EPS8L2: variants seen among roughly 807,000 people sequenced by gnomAD.
EPS8L2 encodes the protein EPS8 signaling adaptor L2.
In EPS8L2, 81 loss-of-function variants were observed where a neutral mutation model predicts 99.4. The observed-to-expected ratio is 0.82, with a 90% CI of 0.68 to 0.98. The LOEUF is 0.98. Among genes scored for constraint, EPS8L2 ranks in the 50% least tolerant of loss-of-function variants. EPS8L2 has a pLI of 0.00. For missense variants in EPS8L2, 1,155 were observed against 968.8 expected, an observed-to-expected ratio of 1.19 and a Z score of -2.55; for synonymous variants, 509 against 407.3, an observed-to-expected ratio of 1.25 and a Z score of -3.01.
chr11:717,389 G>A (rs569879752), intron 4 of EPS8L2, among the ~76,000 whole-genome samples: 68 of 152,298 alleles, frequency 4.5e-4, no homozygotes, highest in Non-Finnish European at 6.2e-4. Context: ...GCCTGGTACC[G>A]ATGCCACATT....
At chr11:720,568 C>T (rs777769940) in intron 5 of EPS8L2, 29 bp from the exon 6 acceptor site, 17 of 1,584,746 alleles carry the variant, frequency 1.1e-5, no homozygotes, top group Non-Finnish European at 1.5e-5. Flanking sequence ...ACCCCGGGTG[C>T]GAGTCGTGTC....
chr11:722,414 G>A lies in EPS8L2; in HGVS notation c.1073G>A (p.Cys358Tyr), dbSNP rs564943748. ...FGPLDLIVNT[C>Y]SGPDIARSVS... is the part of the protein sequence containing the mutation. ...ACTGTGCCCCAGATCGTCAACACCT[G>A]CAGTGGCCCAGACATCGCACGCTCC... Residue 358 changes from cysteine (C) to tyrosine (Y), a missense_variant, in exon 13 of 21, where the codon TGC becomes TAC. Transcript: ENST00000318562. The A allele has an allele frequency of 8.1e-6, 13 of 1,613,044 alleles. No homozygotes were observed. The highest frequency in any genetic ancestry group is 1.7e-4 in the Middle Eastern group (1 of 6,038).
intron 4 of EPS8L2, among the ~76,000 whole-genome samples, chr11:719,434 G>GC: frequency 1.3e-5 from 2 of 152,362 alleles, no homozygotes; most frequent in East Asian, 3.9e-4. Context: ...CCTGAGCCAG[G>GC]CCTGGAAAGA....
In EPS8L2 at chr11:724,638, TG is replaced by T; in HGVS notation, c.1455-83del. On this transcript the variant is annotated intron_variant, in intron 15 of 20. Transcript: ENST00000318562. This position sits in a 1 kb window ranked among gnomAD's most constrained non-coding sequence, Gnocchi z 5.5. Reference sequence around the variant, plus strand: ...GAAAAGAGGCAGCCAGTCGTGCACCTGGGAAGCTGCTGCCCCCCAGCCACTG... The same window carrying T: ...GAAAAGAGGCAGCCAGTCGTGCACCTGGAAGCTGCTGCCCCCCAGCCACTG... The T allele has an allele frequency of 1.1e-6, 1 of 904,766 alleles. No homozygotes were observed. The highest frequency in any genetic ancestry group is 1.8e-6 in the Non-Finnish European group (1 of 544,218). The allele number at this position is 904,766 out of a possible 1,614,324, so 56.0% of individuals were successfully genotyped here. A position where few individuals can be genotyped will look rare whatever the true frequency, so the allele number is the denominator to read the frequency against.
In EPS8L2 at chr11:726,970, G is replaced by C; in HGVS notation, c.2137G>C (p.Glu713Gln). The C allele has an allele frequency of 1.2e-6, 2 of 1,612,940 alleles. No homozygotes were observed. The highest frequency in any genetic ancestry group is 1.1e-5 in the South Asian group (1 of 90,972). Reference protein sequence around the residue: ...KFHSMNQRRGEDS With the variant: ...KFHSMNQRRGQDS ...TCATTCCATGAATCAGAGGAGGGGGGAGGACAGCTAGGCCCAGCTGCCTTG... is the reference window on the plus strand; with the variant it reads ...TCATTCCATGAATCAGAGGAGGGGGCAGGACAGCTAGGCCCAGCTGCCTTG... Residue 713 changes from glutamate to glutamine, a missense_variant, in exon 21 of 21, where the codon GAG (glutamate) becomes CAG (glutamine). Glu to Gln is a conservative substitution (Grantham distance 29, BLOSUM62 2). Transcript: ENST00000318562.
chr11:711,320 C>G (rs1411188274), intron 4 of EPS8L2, among the ~76,000 whole-genome samples: 2 of 151,894 alleles, frequency 1.3e-5, no homozygotes, highest in African/African-American at 4.8e-5. Context: ...TTCTCTCTCT[C>G]TCTGTCTCTC....
intron 4 of EPS8L2, among the ~76,000 whole-genome samples, chr11:717,822 A>C (rs1271188159): frequency 6.6e-6 from 1 of 150,628 alleles, no homozygotes; most frequent in Non-Finnish European, 1.5e-5. Flanking sequence ...ATCCTGGCTA[A>C]TATGGTGAAA....
intron 4 of EPS8L2, among the ~76,000 whole-genome samples, chr11:713,207 ATGGTT>A (rs1861934345): frequency 6.6e-6 from 1 of 152,218 alleles, no homozygotes; most frequent in South Asian, 2.1e-4. Context: ...GCCCGGGTCC[ATGGTT>A]TGCTTTTTTC....
In EPS8L2 at chr11:721,198, G is replaced by A. The variant is rs563361645; in HGVS notation, c.692G>A (p.Ser231Asn). 1 of 1,533,046 alleles carries A rather than the reference G, an allele frequency of 6.5e-7. No individual in the cohort carries two copies. The highest frequency in any genetic ancestry group is 1.4e-5 in the African/African-American group (1 of 72,834). 95.0% of individuals were successfully genotyped at this position (1,533,046 alleles called of 1,614,324 possible). Residue 231 changes from serine to asparagine, a missense_variant, in exon 8 of 21, where the codon AGC (serine) becomes AAC (asparagine). Coordinates refer to ENST00000318562, the MANE Select transcript of EPS8L2 (RefSeq NM_022772.4). ...KNRVGPQVPL[S>N]EPGFRRRESQ... Reference sequence around the variant, plus strand: ...CGCGTGGGCCCGCAGGTGCCACTCAGCGAGCCAGGTGGGCCGAGGGGCTGG... The same window carrying A: ...CGCGTGGGCCCGCAGGTGCCACTCAACGAGCCAGGTGGGCCGAGGGGCTGG...
intron 4 of EPS8L2, 28 bp downstream of exon 4, chr11:710,514 G>A (rs1412970453): frequency 3.4e-5 from 55 of 1,601,974 alleles, no homozygotes; most frequent in Non-Finnish European, 4.4e-5. Flanking sequence ...GGTAGGCTCC[G>A]CCCCCAGGGA....
At chr11:720,525 A>G (rs1219084424) in intron 5 of EPS8L2, 72 bp from the exon 6 acceptor site, 2 of 1,549,806 alleles carry the variant, frequency 1.3e-6, no homozygotes, top group Non-Finnish European at 1.7e-6. Context: ...AGGCTTGTCC[A>G]CAGCTCCGGC....
chr11:708,278 C>T lies in EPS8L2; in HGVS notation c.-78-1052C>T, dbSNP rs545021181. ...CCCACAGGGCATAGTCCCCTTGGGA[C>T]AAGTCAGCCTGGTTCAGGGCCATCA... On this transcript the variant is annotated intron_variant, in intron 1 of 20. Transcript: ENST00000318562. Among the ~76,000 whole-genome samples, 17 of 152,338 alleles carry T rather than the reference C, an allele frequency of 1.1e-4. No homozygotes were observed. The South Asian group carries it at 3.5e-3, about 32-fold the overall frequency.
intron 6 of EPS8L2, 32 bp from the exon 7 acceptor site, chr11:720,798 C>T: frequency 4.5e-6 from 7 of 1,543,300 alleles, no homozygotes; most frequent in East Asian, 2.5e-5. Context: ...CCGCGCCCCG[C>T]CCTCCTGGCC....
At position 715,121 on chromosome 11, in the gene EPS8L2, A is replaced by G. The variant is rs377763046; in HGVS notation, c.165+4635A>G. ...GCCAGGTGGGATGGCGGGTGCCTGT[A>G]GTCCCAGCTACTCGGGAGGCTGAGG... is the stretch of plus-strand genomic sequence containing the variant. On this transcript the variant is annotated intron_variant, in intron 4 of 20. Coordinates refer to ENST00000318562, the MANE Select transcript of EPS8L2 (RefSeq NM_022772.4). 2.6e-4 allele frequency among the ~76,000 whole-genome samples: 39 copies of G among 152,268 alleles called. No individual in the cohort carries two copies. In the East Asian group the frequency reaches 6.4e-3, roughly 25 times the overall value.
At chr11:715,243 A>G (rs1861993597) in intron 4 of EPS8L2, among the ~76,000 whole-genome samples, 3 of 148,334 alleles carry the variant, frequency 2.0e-5, no homozygotes, top group Non-Finnish European at 4.5e-5. Context: ...CTCTGTCTCA[A>G]AAAAAAAAAA....
chr11:716,312 C>A (rs1409589515), intron 4 of EPS8L2, among the ~76,000 whole-genome samples: 2 of 152,048 alleles, frequency 1.3e-5, no homozygotes, highest in Non-Finnish European at 1.5e-5. Context: ...CCCCGCCCGG[C>A]TAATTTTTTG....
rs1718995357 is a variant in EPS8L2, at chr11:724,529, G to A, written c.1455-195G>A. 1.7e-6 allele frequency: 1 copy of A among 591,964 alleles called. No individual in the cohort carries two copies. The highest frequency in any genetic ancestry group is 3.0e-6 in the Non-Finnish European group (1 of 331,708). 36.7% of individuals were successfully genotyped at this position (591,964 alleles called of 1,614,324 possible). The stretch of plus-strand genomic sequence containing the variant: ...CTCCTGCCTGCCCCGCCTCCACGCA[G>A]GGCCCCAAAGCTCTGGGGCTGTCAC... On this transcript the variant is annotated intron_variant, in intron 15 of 20. Coordinates refer to ENST00000318562, the MANE Select transcript of EPS8L2 (RefSeq NM_022772.4). The surrounding 1 kb of genome is among the most constrained non-coding windows in gnomAD (Gnocchi z 5.5).
chr11:719,263 G>A (rs1214249548), intron 4 of EPS8L2, among the ~76,000 whole-genome samples: 2 of 152,212 alleles, frequency 1.3e-5, no homozygotes, highest in Admixed American at 6.5e-5. Flanking sequence ...CACCGCGCCC[G>A]GCCACACAAA....
In EPS8L2 at chr11:709,440, G is replaced by T. The variant is rs777671124; in HGVS notation, c.33G>T (p.Pro11=). The part of the protein sequence containing the change: MSQSGAVSCC[P]GATNGSLGRS... Reference sequence around the variant, plus strand: ...AGTCCGGGGCCGTGAGCTGCTGCCCGGGTGCCACCAAGTGAGCCCTCCCAC... The same window carrying T: ...AGTCCGGGGCCGTGAGCTGCTGCCCTGGTGCCACCAAGTGAGCCCTCCCAC... Residue 11 remains proline (P), a synonymous_variant, in exon 2 of 21, where the codon CCG becomes CCT. Coordinates refer to ENST00000318562, the MANE Select transcript of EPS8L2 (RefSeq NM_022772.4). 1.3e-6 allele frequency: 2 copies of T among 1,597,158 alleles called. No homozygotes were observed. The highest frequency in any genetic ancestry group is 2.3e-5 in the East Asian group (1 of 43,760).
Sources: gnomAD v4.1 joint callset for allele counts (sites outside exome capture counted in the v4.1 genomes callset) on GRCh38, gnomAD v4.1.1 for gene constraint, Gnocchi (gnomAD v3.1) non-coding constraint, MANE v1.5 for transcripts, NCBI Gene and HGNC (gene_info 2026-07-23, HGNC 2026-07-21) for gene names.